The following CFAP54 variants were observed in gnomAD, a reference collection of about 807,000 sequenced individuals.
CFAP54 encodes cilia- and flagella-associated protein 54.
CFAP54 carries 290 observed loss-of-function variants against 370.4 expected under a neutral mutation model. The ratio of observed to expected loss-of-function variants is 0.78; its 90% CI spans 0.71 to 0.86. The LOEUF is 0.86. Ranked by LOEUF, CFAP54 falls within the 40% of genes least tolerant of loss-of-function variation. CFAP54 has a pLI of 0.00. For synonymous variants in CFAP54, 1,206 were observed against 1,236.5 expected, an observed-to-expected ratio of 0.98 and a Z score of 0.52; for missense variants, 3,399 against 3,528.7, an observed-to-expected ratio of 0.96 and a Z score of 0.93.
chr12:96,745,905 T>C (rs1219427781), intron 55 of CFAP54, among the ~76,000 whole-genome samples: 1 of 152,224 alleles, frequency 6.6e-6, no homozygotes, highest in Non-Finnish European at 1.5e-5. Flanking sequence ...CCTTAACTAG[T>C]GGACTGGCTG....
At chr12:96,869,514 G>C (rs1960093069) in intron 67 of CFAP54, among the ~76,000 whole-genome samples, 1 of 152,160 alleles carries the variant, frequency 6.6e-6, no homozygotes, top group Non-Finnish European at 1.5e-5. Context: ...AGTTCTGCAG[G>C]AGCTGAGTCG....
At chr12:96,723,711 G>GT (rs1957788494) in intron 50 of CFAP54, among the ~76,000 whole-genome samples, 1 of 150,770 alleles carries the variant, frequency 6.6e-6, no homozygotes, top group Non-Finnish European at 1.5e-5. Context: ...AAGTTTTAGG[G>GT]TACATGTGCA....
intron 15 of CFAP54, among the ~76,000 whole-genome samples, chr12:96,550,921 A>G (rs1436204975): frequency 6.6e-6 from 1 of 152,204 alleles, no homozygotes; most frequent in Non-Finnish European, 1.5e-5. Context: ...AAGGAGACTC[A>G]TATGTAAAGT....
intron 39 of CFAP54, among the ~76,000 whole-genome samples, chr12:96,666,984 C>T (rs1417391770): frequency 6.6e-6 from 1 of 152,204 alleles, no homozygotes; most frequent in Non-Finnish European, 1.5e-5. Flanking sequence ...GACAAATACA[C>T]CCATTCCAAA....
intron 66 of CFAP54, among the ~76,000 whole-genome samples, chr12:96,830,862 G>A (rs959748752): frequency 6.6e-6 from 1 of 151,708 alleles, no homozygotes; most frequent in Non-Finnish European, 1.5e-5. Context: ...TTTTAGTAGC[G>A]ATAGGGTTTC....
chr12:96,514,184 C>T (rs560228136), intron 5 of CFAP54, among the ~76,000 whole-genome samples: 1 of 152,310 alleles, frequency 6.6e-6, no homozygotes, highest in African/African-American at 2.4e-5. Context: ...TTATTCCATA[C>T]AGAACCTTAC....
At chr12:96,610,993 C>T (rs1956352239) in intron 26 of CFAP54, among the ~76,000 whole-genome samples, 1 of 152,202 alleles carries the variant, frequency 6.6e-6, no homozygotes, top group Admixed American at 6.5e-5. Flanking sequence ...GCAGCAGAAA[C>T]CTCTGCAGAC....
Position 96,847,243 on chromosome 12 carries a change from G to C in CFAP54, c.9172-13576G>C, listed in dbSNP as rs144270383. Among the ~76,000 whole-genome samples, 7 of 151,894 alleles carry C rather than the reference G, an allele frequency of 4.6e-5. No homozygotes were observed. The South Asian group carries it at 1.3e-3, about 27-fold the overall frequency. On this transcript the variant is annotated intron_variant, in intron 66 of 67. Coordinates refer to ENST00000524981, the MANE Select transcript of CFAP54 (RefSeq NM_001306084.2). ...CAGCCATGCCCTCTCCCAGTGAGCC[G>C]CCCTCCCTCCCAGCACTCTCCTGGT...
At chr12:96,845,367 C>T (rs1413708125) in intron 66 of CFAP54, among the ~76,000 whole-genome samples, 2 of 152,160 alleles carry the variant, frequency 1.3e-5, no homozygotes, top group Non-Finnish European at 2.9e-5. Context: ...ATTGAGCCAC[C>T]CAAACCTCCC....
rs1219847515 is a variant in CFAP54 at position 96,500,911 on chromosome 12, A to G, written c.395A>G (p.Lys132Arg). The G allele has an allele frequency of 2.0e-6, 3 of 1,535,648 alleles. No individual in the cohort carries two copies. The East Asian group carries it at 7.3e-5, about 38-fold the overall frequency. The change falls in exon 2 of 68, where the codon AAG becomes AGG. Residue 132 changes from lysine to arginine, a missense_variant. This residue lies in a region of CFAP54 where 559 missense variants were observed against 576.7 expected (regional missense o/e 0.97). Coordinates refer to ENST00000524981, the MANE Select transcript of CFAP54 (RefSeq NM_001306084.2). ...PADYYNEKLL[K>R]VGDSLCQMKE... is the part of the protein sequence containing the mutation. ...GACTATTACAACGAAAAGCTTCTGA[A>G]GGTTGGAGATAGCCTTTGTCAAATG...
At chr12:96,613,405 C>T (rs1469444356) in intron 26 of CFAP54, among the ~76,000 whole-genome samples, 1 of 152,094 alleles carries the variant, frequency 6.6e-6, no homozygotes, top group African/African-American at 2.4e-5. Flanking sequence ...TAAATGCGCA[C>T]AAGAGAAAGC....
chr12:96,568,631 A>G (rs1278254582), intron 19 of CFAP54, among the ~76,000 whole-genome samples: 1 of 152,226 alleles, frequency 6.6e-6, no homozygotes, highest in Non-Finnish European at 1.5e-5. Flanking sequence ...AGAATGTTTT[A>G]CAATATCATG....
At chr12:96,787,568 A>G (rs1274677187) in intron 62 of CFAP54, among the ~76,000 whole-genome samples, 2 of 152,350 alleles carry the variant, frequency 1.3e-5, no homozygotes, top group Admixed American at 6.5e-5. Context: ...GTTAAAAGAC[A>G]CTGAAAAAGT....
At position 96,760,270 on chromosome 12, in the gene CFAP54, T is replaced by TA. The variant is rs753687808; in HGVS notation, c.8040+2691dup. Among the ~76,000 whole-genome samples the TA allele has an allele frequency of 4.1e-3, 621 of 151,494 alleles. 6 individuals are homozygous for TA. Among genetic ancestry groups the TA allele is most frequent in the Middle Eastern group, 6.8e-3 (2 of 292 alleles). On this transcript the variant is annotated intron_variant, in intron 58 of 67. Coordinates refer to ENST00000524981, the MANE Select transcript of CFAP54 (RefSeq NM_001306084.2). ...ACAGAGAGATCAGCATGCATACATT[T>TA]AAAAAAAAACTAGAGGTATAATTTC... is the stretch of plus-strand genomic sequence containing the variant.
intron 19 of CFAP54, among the ~76,000 whole-genome samples, chr12:96,573,861 C>T (rs780989467): frequency 3.3e-5 from 5 of 152,164 alleles, no homozygotes; most frequent in South Asian, 2.1e-4. Context: ...CCTTCCCATA[C>T]GAAGGAATGG....
At chr12:96,555,857 A>G (rs189477748) in intron 17 of CFAP54, among the ~76,000 whole-genome samples, 17 of 152,102 alleles carry the variant, frequency 1.1e-4, no homozygotes, top group Non-Finnish European at 2.5e-4. Flanking sequence ...TGCAATTTCA[A>G]TAAAAATTCC....
intron 60 of CFAP54, among the ~76,000 whole-genome samples, chr12:96,777,703 T>A (rs1273309073): frequency 3.3e-5 from 5 of 152,044 alleles, no homozygotes; most frequent in Non-Finnish European, 7.4e-5. Flanking sequence ...TTCATTCTAC[T>A]ATGAGGGCAT....
chr12:96,695,043 A>C (rs1287679581), intron 45 of CFAP54, among the ~76,000 whole-genome samples: 2 of 152,110 alleles, frequency 1.3e-5, no homozygotes, highest in African/African-American at 4.8e-5. Flanking sequence ...AACAAAAAAA[A>C]ACAAAAAAAC....
chr12:96,630,172 A>G lies in CFAP54; in HGVS notation c.4183A>G (p.Lys1395Glu). 6.6e-7 allele frequency: 1 copy of G among 1,503,904 alleles called. No individual in the cohort carries two copies. The allele number at this position is 1,503,904 out of a possible 1,614,324, so 93.2% of individuals were successfully genotyped here. Residue 1395 changes from lysine (K) to glutamate (E), a missense_variant, in exon 31 of 68, where the codon AAG (lysine) becomes GAG (glutamate). Lys to Glu is a moderately conservative substitution (Grantham distance 56). Coordinates refer to ENST00000524981, the MANE Select transcript of CFAP54 (RefSeq NM_001306084.2). The stretch of plus-strand genomic sequence containing the variant: ...GAATAAAAAAGCAAACAAATCTTTA[A>G]AGTTCAAAGCTGCAGTAATGGAAAT... ...ALNKKANKSL[K>E]FKAAVMEIGR...
Sources: allele counts gnomAD v4.1 joint callset (sites outside exome capture counted in the v4.1 genomes callset), GRCh38; gene constraint gnomAD v4.1.1; regional missense constraint gnomAD v4.1.1; transcripts MANE v1.5; gene names NCBI Gene and HGNC (gene_info 2026-07-23, HGNC 2026-07-21).